CLIC6: variants seen among roughly 807,000 people sequenced by gnomAD.
CLIC6 encodes the protein CLIC family member 6.
A neutral mutation model predicts 49.2 loss-of-function variants in CLIC6; 39 were observed. The ratio of observed to expected loss-of-function variants is 0.79; its 90% confidence interval spans 0.61 to 1.04. The LOEUF (loss-of-function observed/expected upper bound fraction) is 1.04, where lower values mean the gene tolerates loss of function less well. CLIC6 is among the 50% of genes least tolerant of loss of function. The pLI is 0.00. For synonymous variants in CLIC6, 446 were observed against 433.4 expected (o/e 1.03, Z -0.36); for missense variants, 988 against 993.1 (o/e 0.99, Z 0.07).
At position 34,675,453 on chromosome 21, in the gene CLIC6, C is replaced by T. The variant is rs143696450; in HGVS notation, c.1374+4691C>T. ...GAGCTTGAAAGGGAGATGTTATTTT[C>T]ACAACTATGTGTTCTGAAGGAAAGT... On this transcript the variant is annotated intron_variant, in intron 1 of 5. Transcript: ENST00000349499. 6.3e-3 allele frequency among the ~76,000 whole-genome samples: 956 copies of T among 152,162 alleles called. 12 individuals are homozygous for T. The highest frequency in any genetic ancestry group is 0.022 in the African/African-American group (900 of 41,504).
chr21:34,677,091 G>A (rs907374817), intron 1 of CLIC6, among the ~76,000 whole-genome samples: 1 of 152,058 alleles, frequency 6.6e-6, no homozygotes, highest in Admixed American at 6.5e-5. Flanking sequence ...TCCATCTTCG[G>A]CTAAAATCCG....
At chr21:34,685,751 T>C (rs549978114) in intron 1 of CLIC6, among the ~76,000 whole-genome samples, 6 of 152,326 alleles carry the variant, frequency 3.9e-5, no homozygotes, top group South Asian at 4.2e-4. Flanking sequence ...TTTACTAATA[T>C]ATTATAATGC....
intron 1 of CLIC6, among the ~76,000 whole-genome samples, chr21:34,683,964 C>T (rs753076648): frequency 3.3e-5 from 5 of 152,140 alleles, no homozygotes; most frequent in African/African-American, 4.8e-5. Context: ...AAAACACAGA[C>T]TCTGTTGACA....
At chr21:34,694,051 C>T (rs1331507408) in intron 1 of CLIC6, among the ~76,000 whole-genome samples, 1 of 148,916 alleles carries the variant, frequency 6.7e-6, no homozygotes, top group African/African-American at 2.5e-5. Flanking sequence ...CGGCTCACTG[C>T]AAGCTCCGCC....
At chr21:34,712,942 T>C (rs1304020550) in intron 5 of CLIC6, among the ~76,000 whole-genome samples, 1 of 152,136 alleles carries the variant, frequency 6.6e-6, no homozygotes, top group African/African-American at 2.4e-5. Flanking sequence ...TGTGTCTCTC[T>C]GGGGCAGAGC....
intron 1 of CLIC6, among the ~76,000 whole-genome samples, chr21:34,689,589 T>A (rs1195177207): frequency 6.6e-6 from 1 of 151,440 alleles, no homozygotes; most frequent in South Asian, 2.1e-4. Context: ...AGTTAAGGGA[T>A]CTGAAGCTTT....
intron 5 of CLIC6, among the ~76,000 whole-genome samples, chr21:34,713,168 G>A (rs1349584212): frequency 2.6e-5 from 4 of 152,038 alleles, no homozygotes; most frequent in African/African-American, 9.7e-5. Context: ...GAATGATAAA[G>A]ACAAGAAACA....
rs192506561 is a variant in CLIC6, at chr21:34,676,994, T to C, written c.1374+6232T>C. Among the ~76,000 whole-genome samples, 202 of 152,286 alleles carry C rather than the reference T, an allele frequency of 1.3e-3. 1 individual carries two copies. The highest frequency in any genetic ancestry group is 1.5e-3 in the Non-Finnish European group (104 of 68,020). On this transcript the variant is annotated intron_variant, in intron 1 of 5. Coordinates refer to ENST00000349499, the MANE Select transcript of CLIC6 (RefSeq NM_053277.3). ...CTGGGCATAGTTGGGGGAGACATTT[T>C]CTTCACAATATAGAGAGTTTCCAAA...
chr21:34,707,511 C>T lies in CLIC6; in HGVS notation c.1484+122C>T, dbSNP rs1183732713. The T allele has an allele frequency of 5.6e-6, 4 of 713,482 alleles. No individual in the cohort carries two copies. In the Admixed American group the frequency reaches 6.8e-5, roughly 12 times the overall value. 44.2% of individuals were successfully genotyped at this position (713,482 alleles called of 1,614,324 possible). A position where few individuals can be genotyped will look rare whatever the true frequency, so the allele number is the denominator to read the frequency against. ...CTGCATGGGCACGTCCATCCTCAGT[C>T]GGAGTCTGAACTGAAGCCCACATGT... On this transcript the variant is annotated intron_variant, in intron 2 of 5. Transcript: ENST00000349499.
In CLIC6 at chr21:34,670,414, C is replaced by G. The variant is rs1269521810; in HGVS notation, c.1026C>G (p.Ser342=). Residue 342 remains serine, a synonymous_variant, in exon 1 of 6, where the codon TCC becomes TCG. Coordinates refer to ENST00000349499, the MANE Select transcript of CLIC6 (RefSeq NM_053277.3). ...CGGAGGTCCCGGGGGTAAAGGGGTCCGAAGAAGCGGCCCCCGGGGACGCAA... is the reference window on the plus strand; with the variant it reads ...CGGAGGTCCCGGGGGTAAAGGGGTCGGAAGAAGCGGCCCCCGGGGACGCAA... ...EEAEVPGVKG[S]EEAAPGDARA... is the part of the protein sequence containing the mutation. 2.7e-6 allele frequency: 4 copies of G among 1,459,488 alleles called. No homozygotes were observed. The highest frequency in any genetic ancestry group is 1.4e-5 in the South Asian group (1 of 69,480). 90.4% of individuals were successfully genotyped at this position (1,459,488 alleles called of 1,614,324 possible). A position where few individuals can be genotyped will look rare whatever the true frequency, so the allele number is the denominator to read the frequency against.
rs189337375 is a variant in CLIC6 at position 34,707,504 on chromosome 21, C to A, written c.1484+115C>A. 2.5e-4 allele frequency: 183 copies of A among 732,436 alleles called. No homozygotes were observed. The East Asian group carries it at 4.7e-3, about 19-fold the overall frequency. 45.4% of individuals were successfully genotyped at this position (732,436 alleles called of 1,614,324 possible). ...AACGGTGCTGCATGGGCACGTCCAT[C>A]CTCAGTCGGAGTCTGAACTGAAGCC... On this transcript the variant is annotated intron_variant, in intron 2 of 5. Coordinates refer to ENST00000349499, the MANE Select transcript of CLIC6 (RefSeq NM_053277.3).
In CLIC6 at chr21:34,677,311, T is replaced by C. The variant is rs541711309; in HGVS notation, c.1374+6549T>C. 7.2e-5 allele frequency among the ~76,000 whole-genome samples: 11 copies of C among 152,324 alleles called. No individual in the cohort carries two copies. In the East Asian group the frequency reaches 1.9e-3, roughly 27 times the overall value. ...TTCAAAACTTTGCTCTCAAGTTAGG[T>C]GGCAAATGGGCTAACAATTTGGTAT... On this transcript the variant is annotated intron_variant, in intron 1 of 5. Transcript: ENST00000349499.
intron 1 of CLIC6, among the ~76,000 whole-genome samples, chr21:34,692,416 G>A (rs1236495171): frequency 6.6e-6 from 1 of 152,162 alleles, no homozygotes; most frequent in East Asian, 1.9e-4. Context: ...TTTGTAGATA[G>A]GTGGATTCTC....
Position 34,669,519 on chromosome 21 carries a change from G to C in CLIC6, c.131G>C (p.Ser44Thr), listed in dbSNP as rs1332699854. The C allele has an allele frequency of 4.8e-6, 6 of 1,240,996 alleles. No individual in the cohort carries two copies. Among genetic ancestry groups the C allele is most frequent in the Non-Finnish European group, 6.0e-6 (6 of 994,014 alleles). The allele number at this position is 1,240,996 out of a possible 1,614,324, so 76.9% of individuals were successfully genotyped here. ...GGGGAGGCAGAAGGGCCGGAGGGGA[G>C]CGAGGGCGCAGAGGAGGCGCCGAGG... The part of the protein sequence containing the change: ...AGGEAEGPEG[S>T]EGAEEAPRGA... The change falls in exon 1 of 6, where the codon AGC becomes ACC. Residue 44 changes from serine (S) to threonine (T), a missense_variant. By Grantham distance (58) the Ser-to-Thr change is moderately conservative. Transcript: ENST00000349499.
intron 1 of CLIC6, among the ~76,000 whole-genome samples, chr21:34,694,086 C>T (rs1344675655): frequency 1.3e-5 from 2 of 150,340 alleles, no homozygotes; most frequent in African/African-American, 4.9e-5. Context: ...CATTCTCCTG[C>T]CTCAGCCTCC....
chr21:34,669,785 G>C lies in CLIC6; in HGVS notation c.397G>C (p.Ala133Pro). 7.0e-7 allele frequency: 1 copy of C among 1,424,048 alleles called. No individual in the cohort carries two copies. The highest frequency in any genetic ancestry group is 9.1e-7 in the Non-Finnish European group (1 of 1,099,882). The allele number at this position is 1,424,048 out of a possible 1,614,324, so 88.2% of individuals were successfully genotyped here. The change falls in exon 1 of 6, where the codon GCG becomes CCG. Residue 133 changes from alanine (A) to proline (P), a missense_variant. By Grantham distance (27) the Ala-to-Pro change is conservative. This residue lies in a region of CLIC6 where 284 missense variants were observed against 278.6 expected (regional missense o/e 1.02). Transcript: ENST00000349499. ...GGCTCAGAGGGAGCCCGAGGACTCT[G>C]CGGCCCCCGAGAGGCAGGAGGAGGC... ...GEAQREPEDS[A>P]APERQEEAEQ... is the part of the protein sequence containing the mutation.
At position 34,707,873 on chromosome 21, in the gene CLIC6, G is replaced by A. The variant is rs556706310; in HGVS notation, c.1485-71G>A. 4.6e-5 allele frequency: 71 copies of A among 1,551,516 alleles called. 1 individual carries two copies. The Admixed American group carries it at 5.0e-4, about 11-fold the overall frequency. On this transcript the variant is annotated intron_variant, in intron 2 of 5. Coordinates refer to ENST00000349499, the MANE Select transcript of CLIC6 (RefSeq NM_053277.3). ...TTGCTTCTCTTAAACTGGTGAGGAC[G>A]CGGCTAAGCCCTGGAAATGAGTCCA... is the stretch of plus-strand genomic sequence containing the variant.
At chr21:34,681,516 A>T (rs956932711) in intron 1 of CLIC6, among the ~76,000 whole-genome samples, 21 of 152,170 alleles carry the variant, frequency 1.4e-4, no homozygotes, top group African/African-American at 4.8e-4. Flanking sequence ...AGAAGGATTG[A>T]TTGGGGCTAG....
intron 1 of CLIC6, among the ~76,000 whole-genome samples, chr21:34,678,324 C>T (rs936983185): frequency 2.6e-5 from 4 of 151,134 alleles, no homozygotes; most frequent in African/African-American, 9.7e-5. Flanking sequence ...TGCCTGTAGT[C>T]CCAGCTACTC....
Sources: gnomAD v4.1 joint callset for allele counts (sites outside exome capture counted in the v4.1 genomes callset) on GRCh38, gnomAD v4.1.1 for gene constraint, gnomAD v4.1.1 regional missense constraint, MANE v1.5 for transcripts, NCBI Gene and HGNC (gene_info 2026-07-23, HGNC 2026-07-21) for gene names.